Variants in NUP50 observed in about 807,000 individuals in gnomAD.
NUP50 encodes nuclear pore complex protein Nup50.
NUP50 carries 14 observed loss-of-function variants against 36.8 expected under a neutral mutation model. The ratio of observed to expected loss-of-function variants is 0.38; its 90% CI spans 0.25 to 0.59. NUP50 has a LOEUF of 0.59. Among genes scored for constraint, NUP50 ranks in the 20% least tolerant of loss-of-function variants. The pLI, the probability that NUP50 is intolerant of heterozygous loss-of-function variation, is 0.63. For synonymous variants in NUP50, 195 were observed against 210.8 expected (o/e 0.93, Z 0.65); for missense variants, 455 against 564.6 (o/e 0.81, Z 1.97).
chr22:45,181,439 C>A, intron 6 of NUP50, 72 bp downstream of exon 6: 3 of 896,584 alleles, frequency 3.3e-6, no homozygotes, highest in Non-Finnish European at 5.0e-6. Context: ...TGGAGAATGT[C>A]CTCACGGCAC....
Position 45,168,257 on chromosome 22 carries a change from G to A in NUP50, c.69+11G>A. 1 of 1,596,816 alleles carries A rather than the reference G, an allele frequency of 6.3e-7. No individual in the cohort carries two copies. The highest frequency in any genetic ancestry group is 8.5e-7 in the Non-Finnish European group (1 of 1,171,282). On this transcript the variant is annotated intron_variant, in intron 2 of 7. Transcript: ENST00000347635. ...GATGAAGCTGAAGAGGTAAAAAGCAGCTTCCCTAAGAATGATTTCCTGTTT... is the reference window on the plus strand; with the variant it reads ...GATGAAGCTGAAGAGGTAAAAAGCAACTTCCCTAAGAATGATTTCCTGTTT...
At chr22:45,182,922 CGAG>C (rs1167440863) in intron 6 of NUP50, among the ~76,000 whole-genome samples, 1 of 150,296 alleles carries the variant, frequency 6.7e-6, no homozygotes, top group Non-Finnish European at 1.5e-5. Flanking sequence ...CGCACCTGGT[CGAG>C]GAGAATTTTT....
At position 45,186,270 on chromosome 22, in the gene NUP50, C is replaced by T. The variant is rs1420096795; in HGVS notation, c.*1615C>T. On this transcript the variant is annotated 3_prime_UTR_variant, in exon 8 of 8. Coordinates refer to ENST00000347635, the MANE Select transcript of NUP50 (RefSeq NM_007172.4). ...TGTCAGACATAGCGATAGTAGGCACCTAGGGAGGAAGTGGCCGTTAGTTTT... is the reference window on the plus strand; with the variant it reads ...TGTCAGACATAGCGATAGTAGGCACTTAGGGAGGAAGTGGCCGTTAGTTTT... 6.6e-6 allele frequency: 1 copy of T among 152,124 alleles called. No homozygotes were observed. Among genetic ancestry groups the T allele is most frequent in the African/African-American group, 2.4e-5 (1 of 41,422 alleles). The allele number at this position is 152,124 out of a possible 1,614,324, so 9.4% of individuals were successfully genotyped here. A position where few individuals can be genotyped will look rare whatever the true frequency, so the allele number is the denominator to read the frequency against.
At chr22:45,169,693 G>A (rs544274076) in intron 2 of NUP50, among the ~76,000 whole-genome samples, 1 of 152,368 alleles carries the variant, frequency 6.6e-6, no homozygotes, top group East Asian at 1.9e-4. Flanking sequence ...CCAGCCCTCT[G>A]TCACGCCCGC....
At chr22:45,169,543 A>G (rs954142280) in intron 2 of NUP50, among the ~76,000 whole-genome samples, 4 of 152,268 alleles carry the variant, frequency 2.6e-5, no homozygotes, top group African/African-American at 7.2e-5. Context: ...ATTATCAATC[A>G]TTAGTATAAA....
chr22:45,182,922 C>T (rs1326277601), intron 6 of NUP50, among the ~76,000 whole-genome samples: 4 of 150,296 alleles, frequency 2.7e-5, no homozygotes, highest in African/African-American at 7.4e-5. Flanking sequence ...CGCACCTGGT[C>T]GAGGAGAATT....
intron 4 of NUP50, among the ~76,000 whole-genome samples, chr22:45,177,069 C>T (rs1481089175): frequency 6.6e-6 from 1 of 152,106 alleles, no homozygotes; most frequent in African/African-American, 2.4e-5. Context: ...ACAGCCATCC[C>T]CTAGTATCCT....
Position 45,178,861 on chromosome 22 carries a change from T to C in NUP50, c.964T>C (p.Leu322=), listed in dbSNP as rs150617044. Residue 322 remains leucine (L), a synonymous_variant, in exon 5 of 8, where the codon TTG becomes CTG. Coordinates refer to ENST00000347635, the MANE Select transcript of NUP50 (RefSeq NM_007172.4). ...PVSSPFPTKP[L]EGQAEGDSGE... The stretch of plus-strand genomic sequence containing the variant: ...CTCTTCACCATTTCCCACTAAACCA[T>C]TGGAGGGCCAAGCAGAAGGTGACAG... The C allele has an allele frequency of 1.1e-4, 172 of 1,613,408 alleles. 1 individual carries two copies. In the African/African-American group the frequency reaches 2.0e-3, roughly 19 times the overall value.
intron 6 of NUP50, among the ~76,000 whole-genome samples, chr22:45,182,627 T>G (rs1007624631): frequency 7.3e-5 from 10 of 136,452 alleles, no homozygotes; most frequent in Non-Finnish European, 4.7e-5. Context: ...AGGTTTGTTT[T>G]TTTTTTTTTT....
At chr22:45,164,797 C>G (rs2074068395) in intron 1 of NUP50, 1 of 152,784 alleles carries the variant, frequency 6.5e-6, no homozygotes, top group Non-Finnish European at 1.5e-5. Flanking sequence ...TGGTCTTCTC[C>G]GTTTCCTTCC....
At chr22:45,184,317 A>G (rs2074433359) in intron 7 of NUP50, 136 bp from the exon 8 acceptor site, 2 of 795,712 alleles carry the variant, frequency 2.5e-6, no homozygotes, top group Non-Finnish European at 2.0e-6. Context: ...ACCAGTCCTG[A>G]TTTTGTGCTG....
intron 2 of NUP50, among the ~76,000 whole-genome samples, chr22:45,169,299 G>A (rs959040929): frequency 9.2e-5 from 14 of 152,134 alleles, no homozygotes; most frequent in Non-Finnish European, 1.5e-4. Context: ...GAGCCCAGGA[G>A]TTCAAGGCTG....
chr22:45,184,273 C>T (rs2074432397), intron 7 of NUP50, 180 bp from the exon 8 acceptor site: 3 of 619,882 alleles, frequency 4.8e-6, no homozygotes, highest in East Asian at 2.8e-5. Context: ...ACAGTGAGGG[C>T]AAGTGCTCCC....
intron 5 of NUP50, among the ~76,000 whole-genome samples, 173 bp from the exon 6 acceptor site, chr22:45,181,113 C>T (rs890922597): frequency 4.7e-5 from 7 of 147,672 alleles, no homozygotes; most frequent in African/African-American, 1.8e-4. Flanking sequence ...AGTTAAAATC[C>T]TGCAGGTACT....
intron 7 of NUP50, chr22:45,183,854 C>G: frequency 4.0e-6 from 1 of 251,956 alleles, no homozygotes; most frequent in Non-Finnish European, 7.8e-6. Context: ...TAACTGCTTG[C>G]TGTCCATCCT....
intron 7 of NUP50, 149 bp downstream of exon 7, chr22:45,183,669 C>T (rs2074419779): frequency 1.6e-6 from 1 of 630,696 alleles, no homozygotes. Context: ...AGTTTTGAGT[C>T]CCAGGATAAT....
intron 1 of NUP50, among the ~76,000 whole-genome samples, chr22:45,167,361 T>C (rs572851077): frequency 5.3e-5 from 8 of 152,210 alleles, no homozygotes; most frequent in Non-Finnish European, 8.8e-5. Flanking sequence ...TTTGTTGTTA[T>C]GATATTAAGA....
chr22:45,180,616 G>A (rs1315063735), intron 5 of NUP50, among the ~76,000 whole-genome samples: 1 of 152,168 alleles, frequency 6.6e-6, no homozygotes, highest in Admixed American at 6.5e-5. Flanking sequence ...GGGCTCAAGC[G>A]ATCTTCCTGC....
chr22:45,164,108 C>G lies in NUP50; in HGVS notation c.-199C>G, dbSNP rs2074055279. The G allele has an allele frequency of 6.6e-6, 1 of 152,288 alleles. No individual in the cohort carries two copies. The highest frequency in any genetic ancestry group is 6.5e-5 in the Admixed American group (1 of 15,282). 9.4% of individuals were successfully genotyped at this position (152,288 alleles called of 1,614,324 possible). ...TGCCGAACACAGCGTGAGGAGCCCC[C>G]CCAGGGATATGGTGTTTGAGTCTCT... On this transcript the variant is annotated 5_prime_UTR_variant, in exon 1 of 8. Coordinates refer to ENST00000347635, the MANE Select transcript of NUP50 (RefSeq NM_007172.4).
Sources: allele counts gnomAD v4.1 joint callset (sites outside exome capture counted in the v4.1 genomes callset), GRCh38; gene constraint gnomAD v4.1.1; transcripts MANE v1.5; gene names NCBI Gene and HGNC (gene_info 2026-07-23, HGNC 2026-07-21).